The following CPAMD8 variants were observed in gnomAD, a reference collection of about 807,000 sequenced individuals.
CPAMD8 encodes the protein C3 and PZP like alpha-2-macroglobulin domain containing 8, also known as C3 and PZP-like alpha-2-macroglobulin domain-containing protein 8.
CPAMD8 carries 146 observed loss-of-function variants against 224.7 expected under a neutral mutation model. The observed-to-expected ratio is 0.65, with a 90% confidence interval of 0.57 to 0.75. The LOEUF (loss-of-function observed/expected upper bound fraction) is 0.75. Ranked by LOEUF, CPAMD8 falls within the 30% of genes least tolerant of loss-of-function variation. The pLI, the probability that CPAMD8 is intolerant of heterozygous loss-of-function variation, is 0.00. For missense variants in CPAMD8, 2,301 were observed against 2,537.5 expected, an observed-to-expected ratio of 0.91 and a Z score of 2.00; for synonymous variants, 966 against 1,044.6, an observed-to-expected ratio of 0.92 and a Z score of 1.45.
chr19:16,983,399 A>AAAATAAATAAATAAATAAAT (rs55638415), intron 13 of CPAMD8, among the ~76,000 whole-genome samples: 4 of 150,272 alleles, frequency 2.7e-5, no homozygotes, highest in African/African-American at 4.9e-5. Context: ...ACTCCATCTC[A>AAAATAAATAAATAAATAAAT]AAATAAATAA....
Position 16,897,768 on chromosome 19 carries a change from G to A in CPAMD8, c.4988C>T (p.Thr1663Ile), listed in dbSNP as rs751805744. 4.4e-6 allele frequency: 7 copies of A among 1,585,780 alleles called. No homozygotes were observed. The highest frequency in any genetic ancestry group is 2.3e-5 in the East Asian group (1 of 44,042). Residue 1663 changes from threonine to isoleucine, a missense_variant, in exon 39 of 42, where the codon ACC becomes ATC. By Grantham distance (89) the Thr-to-Ile change is moderately conservative. Transcript: ENST00000443236. ...CAGTTCCCGGGCGAGTGGGCTGTGG[G>A]TGCTGACGTTGTAGAAGCGAGTGGC... ...FEATRFYNVS[T>I]HSPLARELCA...
intron 13 of CPAMD8, among the ~76,000 whole-genome samples, chr19:16,981,875 T>C (rs2055527303): frequency 6.6e-6 from 1 of 152,208 alleles, no homozygotes; most frequent in Non-Finnish European, 1.5e-5. Flanking sequence ...AAGGCTGTTA[T>C]CTCCTGGACA....
At chr19:16,929,383 T>G in intron 23 of CPAMD8, 143 bp from the exon 24 acceptor site, 1 of 656,930 alleles carries the variant, frequency 1.5e-6, no homozygotes, top group East Asian at 2.7e-5. Flanking sequence ...GGTGTTGGCC[T>G]AACAATGGCA....
chr19:16,953,583 C>T (rs139511875), intron 19 of CPAMD8, among the ~76,000 whole-genome samples: 1 of 150,878 alleles, frequency 6.6e-6, no homozygotes, highest in African/African-American at 2.4e-5. Flanking sequence ...TACCTGTAGA[C>T]CCAGCTACTT....
Position 16,997,206 on chromosome 19 carries a change from C to T in CPAMD8, c.1000G>A (p.Asp334Asn). The T allele has an allele frequency of 4.4e-6, 7 of 1,574,334 alleles. No individual in the cohort carries two copies. Among genetic ancestry groups the T allele is most frequent in the South Asian group, 1.1e-5 (1 of 90,266 alleles). ...TGCCTCTGCACGGGGGTGGAGTCATCGAACGCGACCTGCTGGCTCCCGTCC... is the reference window on the plus strand; with the variant it reads ...TGCCTCTGCACGGGGGTGGAGTCATTGAACGCGACCTGCTGGCTCCCGTCC... Reference protein sequence around the residue: ...SVDGSQQVAFDDSTPVQRQLV... With the variant: ...SVDGSQQVAFNDSTPVQRQLV... The change falls in exon 11 of 42, where the codon GAT becomes AAT. Residue 334 changes from aspartate (D) to asparagine (N), a missense_variant. Asp to Asn is a conservative substitution (Grantham distance 23, BLOSUM62 1). Coordinates refer to ENST00000443236, the MANE Select transcript of CPAMD8 (RefSeq NM_015692.5).
At chr19:16,895,987 GGGA>G (rs1307757825) in intron 41 of CPAMD8, 186 bp downstream of exon 41, 1 of 725,584 alleles carries the variant, frequency 1.4e-6, no homozygotes, top group South Asian at 1.5e-5. Context: ...CCAGGGTGGA[GGGA>G]GGATGAATGT....
chr19:16,915,827 GCCTTCCTT>G (rs72042943), intron 27 of CPAMD8, among the ~76,000 whole-genome samples: 11 of 150,842 alleles, frequency 7.3e-5, no homozygotes, highest in South Asian at 2.1e-4. Flanking sequence ...CCGCCTGCCT[GCCTTCCTT>G]CCTTCCTTCC....
chr19:16,984,581 G>T (rs1427063745), intron 13 of CPAMD8, among the ~76,000 whole-genome samples: 1 of 152,126 alleles, frequency 6.6e-6, no homozygotes, highest in Non-Finnish European at 1.5e-5. Context: ...TTGCACTAAT[G>T]GACACTGTCA....
chr19:16,936,915 T>C (rs544160768), intron 23 of CPAMD8, among the ~76,000 whole-genome samples: 1 of 152,356 alleles, frequency 6.6e-6, no homozygotes, highest in South Asian at 2.1e-4. Flanking sequence ...CTTTTATAGA[T>C]TGTACTTTTC....
intron 1 of CPAMD8, 63 bp downstream of exon 1, chr19:17,026,488 C>A: frequency 9.8e-6 from 14 of 1,433,864 alleles, no homozygotes; most frequent in Non-Finnish European, 1.3e-5. Flanking sequence ...ACACTCTGAG[C>A]CAGTACCCGC....
Position 16,929,011 on chromosome 19 carries a change from G to A in CPAMD8, c.3075C>T (p.His1025=), listed in dbSNP as rs2053461846. 6.2e-7 allele frequency: 1 copy of A among 1,613,946 alleles called. No homozygotes were observed. The highest frequency in any genetic ancestry group is 1.7e-5 in the Admixed American group (1 of 60,012). The change falls in exon 24 of 42, where the codon CAC becomes CAT. Residue 1025 remains histidine, a synonymous_variant. Transcript: ENST00000443236. ...SKMGEPVASA[H]TAKILSWDEF... is the part of the protein sequence containing the mutation. ...CATCCCAGGAGAGGATCTTGGCCGTGTGTGCACTGGCCACGGGCTCTCCCA... is the reference window on the plus strand; with the variant it reads ...CATCCCAGGAGAGGATCTTGGCCGTATGTGCACTGGCCACGGGCTCTCCCA...
intron 29 of CPAMD8, among the ~76,000 whole-genome samples, chr19:16,911,275 T>A (rs1241480228): frequency 6.6e-6 from 1 of 152,096 alleles, no homozygotes; most frequent in Non-Finnish European, 1.5e-5. Context: ...CATCGGACCA[T>A]CAGCAGCATT....
intron 27 of CPAMD8, among the ~76,000 whole-genome samples, chr19:16,917,969 C>G (rs1449303522): frequency 1.3e-5 from 2 of 152,082 alleles, no homozygotes; most frequent in African/African-American, 4.8e-5. Context: ...TTGCATATAA[C>G]CGACACATAT....
At chr19:16,963,958 G>T (rs750307872) in intron 18 of CPAMD8, among the ~76,000 whole-genome samples, 2 of 152,146 alleles carry the variant, frequency 1.3e-5, no homozygotes, top group Admixed American at 6.6e-5. Context: ...ATAACGGAAT[G>T]AAGGCAGAAA....
At chr19:16,947,906 A>T (rs1241496820) in intron 20 of CPAMD8, among the ~76,000 whole-genome samples, 4 of 152,100 alleles carry the variant, frequency 2.6e-5, no homozygotes, top group Admixed American at 2.6e-4. Flanking sequence ...CTATGGATGC[A>T]CCCATGGGAC....
chr19:17,004,118 C>CTGG (rs2056416018), intron 8 of CPAMD8, among the ~76,000 whole-genome samples, 155 bp downstream of exon 8: 1 of 151,996 alleles, frequency 6.6e-6, no homozygotes, highest in Admixed American at 6.6e-5. Context: ...GTTGGCCAGG[C>CTGG]TGGTCTCAAA....
rs1309500474 is a variant in CPAMD8 at position 16,938,434 on chromosome 19, G to T, written c.2806C>A (p.Pro936Thr). 1.9e-6 allele frequency: 3 copies of T among 1,577,604 alleles called. No homozygotes were observed. Among genetic ancestry groups the T allele is most frequent in the African/African-American group, 2.8e-5 (2 of 72,114 alleles). The part of the protein sequence containing the change: ...RSVMVEAEGV[P>T]RAYTYSAFFC... The stretch of plus-strand genomic sequence containing the variant: ...AATGCGCTGTAGGTGTACGCCCGGG[G>T]GACTCCTTCCGCCTGAAACAAAGAA... Residue 936 changes from proline (P) to threonine (T), a missense_variant, in exon 23 of 42, where the codon CCC becomes ACC. Pro to Thr is a conservative substitution (Grantham distance 38). This residue lies in a region of CPAMD8 where 1,709 missense variants were observed against 1,753.2 expected (regional missense o/e 0.97). Transcript: ENST00000443236.
intron 22 of CPAMD8, among the ~76,000 whole-genome samples, chr19:16,939,203 G>A (rs7247615): frequency 0.42 from 44,058 of 104,298 alleles, 6,781 homozygotes; most frequent in South Asian, 0.49. Context: ...ATCTATCTAT[G>A]TATCTATCTA....
intron 17 of CPAMD8, among the ~76,000 whole-genome samples, chr19:16,972,294 G>C (rs2055090300): frequency 6.6e-6 from 1 of 152,108 alleles, no homozygotes; most frequent in Non-Finnish European, 1.5e-5. Flanking sequence ...CTCTTGAGTA[G>C]CTGGGACTAG....
Sources: allele counts gnomAD v4.1 joint callset (sites outside exome capture counted in the v4.1 genomes callset), GRCh38; gene constraint gnomAD v4.1.1; regional missense constraint gnomAD v4.1.1; transcripts MANE v1.5; gene names NCBI Gene and HGNC (gene_info 2026-07-23, HGNC 2026-07-21).